PHACTR1: variants seen among roughly 807,000 people sequenced by gnomAD.
PHACTR1 encodes phosphatase and actin regulator 1.
A neutral mutation model predicts 69.2 loss-of-function variants in PHACTR1; 16 were observed. The observed-to-expected ratio is 0.23, with a 90% CI of 0.16 to 0.35. The LOEUF is 0.35. Among genes scored for constraint, PHACTR1 ranks in the 10% least tolerant of loss-of-function variants. PHACTR1 has a pLI of 1.00. For synonymous variants in PHACTR1, 312 were observed against 284.5 expected, an observed-to-expected ratio of 1.10 and a Z score of -0.97; for missense variants, 510 against 734.7, an observed-to-expected ratio of 0.69 and a Z score of 3.54.
Position 12,799,582 on chromosome 6 carries a change from G to C in PHACTR1, c.250+49792G>C, listed in dbSNP as rs568925723. On this transcript the variant is annotated intron_variant, in intron 4 of 14. Transcript: ENST00000332995. Reference sequence around the variant, plus strand: ...ATTACATTTCTTTTGGGTTGGACAAGAGACCAGTGAGAAGGGCACCTGCCT... The same window carrying C: ...ATTACATTTCTTTTGGGTTGGACAACAGACCAGTGAGAAGGGCACCTGCCT... Among the ~76,000 whole-genome samples, 16 of 152,274 alleles carry C rather than the reference G, an allele frequency of 1.1e-4. No individual in the cohort carries two copies. The South Asian group carries it at 3.3e-3, about 32-fold the overall frequency.
intron 5 of PHACTR1, among the ~76,000 whole-genome samples, chr6:13,131,701 T>G (rs1212810498): frequency 1.3e-5 from 2 of 152,246 alleles, no homozygotes; most frequent in East Asian, 3.8e-4. Context: ...TATCTTCCTT[T>G]AATTTGATAA....
intron 4 of PHACTR1, among the ~76,000 whole-genome samples, chr6:12,877,593 C>T (rs935462015): frequency 2.0e-5 from 3 of 152,126 alleles, no homozygotes; most frequent in African/African-American, 7.2e-5. Context: ...TCATCCTGCC[C>T]TTGCCTACAG....
At chr6:13,252,355 G>GAAAGA (rs1774583727) in intron 10 of PHACTR1, among the ~76,000 whole-genome samples, 1 of 146,020 alleles carries the variant, frequency 6.8e-6, no homozygotes, top group African/African-American at 2.5e-5. Flanking sequence ...AAAAAGGAAA[G>GAAAGA]AAAGAAAAGA....
intron 4 of PHACTR1, among the ~76,000 whole-genome samples, chr6:12,820,061 G>T (rs990326082): frequency 3.3e-5 from 5 of 152,184 alleles, no homozygotes; most frequent in Non-Finnish European, 5.9e-5. Context: ...AGAACTTAAC[G>T]ATTTGGAGGA....
intron 10 of PHACTR1, among the ~76,000 whole-genome samples, chr6:13,233,123 C>T (rs1321603189): frequency 6.6e-6 from 1 of 152,182 alleles, no homozygotes; most frequent in Non-Finnish European, 1.5e-5. Context: ...AAAAGGGCAC[C>T]ATTGCCCCAG....
rs1476910251 is a variant in PHACTR1 at position 13,246,876 on chromosome 6, A to G, written c.1391+16683A>G. On this transcript the variant is annotated intron_variant, in intron 10 of 14. Transcript: ENST00000332995. The surrounding 1 kb of genome is among the most constrained non-coding windows in gnomAD (Gnocchi z 4.2). ...CTAATAGGAATAATTCATTTTATTT[A>G]TCTTCATTATGATCATTTCACTCCT... Among the ~76,000 whole-genome samples, 2 of 152,218 alleles carry G rather than the reference A, an allele frequency of 1.3e-5. No homozygotes were observed. Among genetic ancestry groups the G allele is most frequent in the African/African-American group, 2.4e-5 (1 of 41,462 alleles).
At chr6:13,138,866 C>A (rs983350335) in intron 5 of PHACTR1, among the ~76,000 whole-genome samples, 2 of 152,194 alleles carry the variant, frequency 1.3e-5, no homozygotes, top group African/African-American at 4.8e-5. Flanking sequence ...TTTAAGGATG[C>A]ACTTCCTGGC....
chr6:13,251,572 C>A (rs962787619), intron 10 of PHACTR1, among the ~76,000 whole-genome samples: 3 of 151,964 alleles, frequency 2.0e-5, no homozygotes, highest in Non-Finnish European at 2.9e-5. Flanking sequence ...TTTGATGTGA[C>A]CGGAATGTGA....
chr6:12,771,016 A>T (rs1330695377), intron 4 of PHACTR1, among the ~76,000 whole-genome samples: 5 of 152,226 alleles, frequency 3.3e-5, no homozygotes, highest in African/African-American at 1.2e-4. Context: ...GGGACCAAGG[A>T]CATGCAAAGG....
intron 8 of PHACTR1, among the ~76,000 whole-genome samples, chr6:13,219,044 C>A (rs1429511054): frequency 6.6e-6 from 1 of 152,102 alleles, no homozygotes; most frequent in African/African-American, 2.4e-5. Context: ...TGGTAAAGGT[C>A]ATTCTTGGTG....
At chr6:12,733,057 T>C (rs141924770) in intron 3 of PHACTR1, among the ~76,000 whole-genome samples, 53 of 152,350 alleles carry the variant, frequency 3.5e-4, no homozygotes, top group African/African-American at 1.1e-3. Flanking sequence ...CTTAGACTCA[T>C]ACATTTAGAA....
chr6:13,008,975 G>T (rs1799141631), intron 4 of PHACTR1, among the ~76,000 whole-genome samples: 1 of 152,190 alleles, frequency 6.6e-6, no homozygotes, highest in Non-Finnish European at 1.5e-5. Context: ...GGTGGGCCAA[G>T]ATCCCTCCAG....
At chr6:12,859,639 C>T (rs190946589) in intron 4 of PHACTR1, among the ~76,000 whole-genome samples, 6 of 152,238 alleles carry the variant, frequency 3.9e-5, no homozygotes, top group East Asian at 1.9e-4. Context: ...TCTCAAGAAC[C>T]GTGTGTGCAA....
At chr6:13,194,443 C>G (rs570407343) in intron 7 of PHACTR1, among the ~76,000 whole-genome samples, 1 of 148,934 alleles carries the variant, frequency 6.7e-6, no homozygotes, top group South Asian at 2.1e-4. Flanking sequence ...GAAAAGAGAG[C>G]AGTTCTCTGG....
chr6:12,798,137 C>T (rs971431578), intron 4 of PHACTR1, among the ~76,000 whole-genome samples: 1 of 150,472 alleles, frequency 6.6e-6, no homozygotes, highest in South Asian at 2.1e-4. Flanking sequence ...TGGTACCATA[C>T]TGTGGTTAGC....
chr6:12,818,559 G>A lies in PHACTR1; in HGVS notation c.250+68769G>A, dbSNP rs116584704. ...TAGATTTCACGTGATGGAAGTTGCT[G>A]CAAAGAATTTGTGGTCACTCAGATT... On this transcript the variant is annotated intron_variant, in intron 4 of 14. Transcript: ENST00000332995. Among the ~76,000 whole-genome samples, 513 of 152,310 alleles carry A rather than the reference G, an allele frequency of 3.4e-3. 3 individuals are homozygous for A. Among genetic ancestry groups the A allele is most frequent in the African/African-American group, 0.011 (454 of 41,554 alleles).
intron 4 of PHACTR1, among the ~76,000 whole-genome samples, chr6:12,750,217 C>A (rs1766435842): frequency 6.6e-6 from 1 of 152,150 alleles, no homozygotes; most frequent in Admixed American, 6.5e-5. Flanking sequence ...GTTGACGCCG[C>A]CGCTGCGGTG....
chr6:12,732,877 C>T lies in PHACTR1; in HGVS notation c.103+14030C>T, dbSNP rs927302817. On this transcript the variant is annotated intron_variant, in intron 3 of 14. Transcript: ENST00000332995. ...TCAACCATGCTTTGCTTTTTCCCAA[C>T]GGGTGACTTTGCCAGCTGGGTTGAT... Among the ~76,000 whole-genome samples, 6 of 152,152 alleles carry T rather than the reference C, an allele frequency of 3.9e-5. 1 individual carries two copies. The highest frequency in any genetic ancestry group is 8.8e-5 in the Non-Finnish European group (6 of 68,032).
chr6:13,271,607 C>T (rs888157510), intron 10 of PHACTR1, among the ~76,000 whole-genome samples: 1 of 152,068 alleles, frequency 6.6e-6, no homozygotes, highest in African/African-American at 2.4e-5. Flanking sequence ...CTATGTGTAT[C>T]CTCCCATATC....
Sources: gnomAD v4.1 joint callset for allele counts (sites outside exome capture counted in the v4.1 genomes callset) on GRCh38, gnomAD v4.1.1 for gene constraint, Gnocchi (gnomAD v3.1) non-coding constraint, MANE v1.5 for transcripts, NCBI Gene and HGNC (gene_info 2026-07-23, HGNC 2026-07-21) for gene names.